RAE1: variants seen among roughly 807,000 people sequenced by gnomAD.
RAE1 encodes ribonucleic acid export 1, also known as mRNA export factor RAE1.
RAE1 carries 13 observed loss-of-function variants against 52.7 expected under a neutral mutation model. The ratio of observed to expected loss-of-function variants is 0.25; its 90% CI spans 0.16 to 0.39. RAE1 has a LOEUF of 0.39. Ranked by LOEUF, RAE1 falls within the 10% of genes least tolerant of loss-of-function variation. The pLI, the probability that RAE1 is intolerant of heterozygous loss-of-function variation, is 1.00. For synonymous variants in RAE1, 164 were observed against 153.1 expected, an observed-to-expected ratio of 1.07 and a Z score of -0.52; for missense variants, 262 against 459.8, an observed-to-expected ratio of 0.57 and a Z score of 3.93.
intron 11 of RAE1, among the ~76,000 whole-genome samples, chr20:57,375,999 C>T (rs937021664): frequency 2.0e-5 from 3 of 152,258 alleles, no homozygotes; most frequent in Non-Finnish European, 4.4e-5. Context: ...GCTTTGCATT[C>T]CCAAGACACC....
chr20:57,354,573 A>G (rs1283576093), intron 2 of RAE1, 139 bp from the exon 3 acceptor site: 9 of 566,788 alleles, frequency 1.6e-5, no homozygotes, highest in Admixed American at 3.9e-5. Flanking sequence ...CCTGTCTTTG[A>G]TCAAAGTAAG....
At chr20:57,360,550 A>T (rs2146144114) in intron 4 of RAE1, among the ~76,000 whole-genome samples, 1 of 152,250 alleles carries the variant, frequency 6.6e-6, no homozygotes, top group South Asian at 2.1e-4. Context: ...TGTTAATGTA[A>T]CTGTTAGGGT....
rs2066961438 is a variant in RAE1, at chr20:57,366,846, C to G, written c.415C>G (p.Pro139Ala). 1 of 1,613,896 alleles carries G rather than the reference C, an allele frequency of 6.2e-7. No individual in the cohort carries two copies. The highest frequency in any genetic ancestry group is 8.5e-7 in the Non-Finnish European group (1 of 1,179,790). ...PVKTIHWIKA[P>A]NYSCVMTGSW... Reference sequence around the variant, plus strand: ...TAAAACCATCCATTGGATCAAAGCTCCAAACTACAGCTGTGTGATGACTGG... The same window carrying G: ...TAAAACCATCCATTGGATCAAAGCTGCAAACTACAGCTGTGTGATGACTGG... Residue 139 changes from proline (P) to alanine (A), a missense_variant, in exon 6 of 12, where the codon CCA (proline) becomes GCA (alanine). Physicochemically the swap from Pro to Ala is conservative, Grantham distance 27. Coordinates refer to ENST00000395841, the MANE Select transcript of RAE1 (RefSeq NM_003610.4).
intron 11 of RAE1, among the ~76,000 whole-genome samples, chr20:57,375,334 A>G (rs2067097763): frequency 6.6e-6 from 1 of 152,060 alleles, no homozygotes. Context: ...AGAGGTTGTC[A>G]TCATTGTATT....
intron 1 of RAE1, chr20:57,351,723 A>G (rs1158372369): frequency 4.1e-6 from 4 of 985,374 alleles, no homozygotes; most frequent in Non-Finnish European, 4.8e-6. Context: ...CTCGTCAGAT[A>G]CATGTCAGCT....
intron 3 of RAE1, among the ~76,000 whole-genome samples, chr20:57,356,052 A>G (rs1336522858): frequency 6.6e-6 from 1 of 152,234 alleles, no homozygotes; most frequent in African/African-American, 2.4e-5. Context: ...TTTTTTTGCC[A>G]TATTTACAAA....
intron 1 of RAE1, among the ~76,000 whole-genome samples, chr20:57,352,981 C>T (rs1481604848): frequency 6.6e-6 from 1 of 152,234 alleles, no homozygotes; most frequent in South Asian, 2.1e-4. Context: ...GTTGCTCTGA[C>T]CTTTTGTTCT....
At chr20:57,358,896 G>A in intron 4 of RAE1, 4 of 1,266,222 alleles carry the variant, frequency 3.2e-6, no homozygotes, top group South Asian at 4.1e-5. Context: ...GCTAGGGCCT[G>A]TAGGCTTGTT....
intron 11 of RAE1, among the ~76,000 whole-genome samples, chr20:57,375,373 C>T (rs1021174036): frequency 1.3e-5 from 2 of 152,142 alleles, no homozygotes; most frequent in African/African-American, 4.8e-5. Context: ...CCTCCCACCC[C>T]ACTCTGCCCT....
rs2066965045 is a variant in RAE1 at position 57,367,061 on chromosome 20, G to A, written c.516G>A (p.Arg172=). The A allele has an allele frequency of 1.2e-6, 2 of 1,601,508 alleles. No homozygotes were observed. The highest frequency in any genetic ancestry group is 1.3e-5 in the African/African-American group (1 of 74,636). ...TGATGGTTTTGCAACTCCCTGAAAGGTGTTACTGTGCTGACGTGGTAAGGG... is the reference window on the plus strand; with the variant it reads ...TGATGGTTTTGCAACTCCCTGAAAGATGTTACTGTGCTGACGTGGTAAGGG... The part of the protein sequence containing the change: ...NPMMVLQLPE[R]CYCADVIYPM... The change falls in exon 7 of 12, where the codon AGG becomes AGA. Residue 172 remains arginine (R), a synonymous_variant. Coordinates refer to ENST00000395841, the MANE Select transcript of RAE1 (RefSeq NM_003610.4).
Position 57,368,907 on chromosome 20 carries a change from TGTAA to T in RAE1, c.642+99_642+102del, listed in dbSNP as rs2066995398. ...GAATACAGTTGTACTTTGTAAAACC[TGTAA>T]GTATGTTCAAAGAGGGGTGAATTGA... On this transcript the variant is annotated intron_variant, in intron 8 of 11. Transcript: ENST00000395841. The T allele has an allele frequency of 5.0e-6, 5 of 1,000,550 alleles. No individual in the cohort carries two copies. The African/African-American group carries it at 8.0e-5, about 16-fold the overall frequency. The allele number at this position is 1,000,550 out of a possible 1,614,324, so 62.0% of individuals were successfully genotyped here.
At chr20:57,369,563 T>C (rs891805560) in intron 8 of RAE1, among the ~76,000 whole-genome samples, 1 of 152,260 alleles carries the variant, frequency 6.6e-6, no homozygotes, top group Non-Finnish European at 1.5e-5. Context: ...TCTTGAAATA[T>C]GTCAGAGAAG....
intron 2 of RAE1, 42 bp downstream of exon 2, chr20:57,354,170 GCAGAGTTTCTCCCATCAAGGACA>G: frequency 6.4e-7 from 1 of 1,563,006 alleles, no homozygotes; most frequent in Non-Finnish European, 8.8e-7. Flanking sequence ...AAGAGTTTGG[GCAGAGTTTCTCCCATCAAGGACA>G]GAACCCGAGA....
rs1273092117 is a variant in RAE1 at position 57,351,280 on chromosome 20, C to T, written c.-150C>T. The T allele has an allele frequency of 1.0e-6, 1 of 985,436 alleles. No homozygotes were observed. Among genetic ancestry groups the T allele is most frequent in the Non-Finnish European group, 1.2e-6 (1 of 829,910 alleles). The allele number at this position is 985,436 out of a possible 1,614,324, so 61.0% of individuals were successfully genotyped here. On this transcript the variant is annotated 5_prime_UTR_variant, in exon 1 of 12. Coordinates refer to ENST00000395841, the MANE Select transcript of RAE1 (RefSeq NM_003610.4). Reference sequence around the variant, plus strand: ...GTTTCCGCGGTAGTCAGGGCAGTTTCTACCGCAGGCTTAAGGAGGCTTCGG... The same window carrying T: ...GTTTCCGCGGTAGTCAGGGCAGTTTTTACCGCAGGCTTAAGGAGGCTTCGG...
chr20:57,352,482 A>C (rs6099572), intron 1 of RAE1, among the ~76,000 whole-genome samples: 1 of 152,256 alleles, frequency 6.6e-6, no homozygotes, highest in African/African-American at 2.4e-5. Context: ...GCGGGAAGAG[A>C]TTAGGTGGGT....
At chr20:57,372,899 C>G (rs779435473) in intron 8 of RAE1, 1 of 152,714 alleles carries the variant, frequency 6.5e-6, no homozygotes, top group Non-Finnish European at 1.5e-5. Context: ...GCTTTTCTGC[C>G]CAGGAGGCTG....
chr20:57,362,775 T>C (rs993276846), intron 4 of RAE1, among the ~76,000 whole-genome samples: 5 of 152,140 alleles, frequency 3.3e-5, no homozygotes, highest in Non-Finnish European at 7.3e-5. Context: ...AAGACAAGAA[T>C]AGAGGTAAAT....
intron 4 of RAE1, chr20:57,359,262 A>G: frequency 5.7e-6 from 2 of 351,124 alleles, no homozygotes; most frequent in Non-Finnish European, 1.0e-5. Context: ...AGTGCAAATA[A>G]TACGGTGTTT....
intron 8 of RAE1, 72 bp from the exon 9 acceptor site, chr20:57,373,403 G>T (rs972229397): frequency 6.9e-7 from 1 of 1,450,996 alleles, no homozygotes; most frequent in Admixed American, 1.9e-5. Flanking sequence ...GGGTAAAAAT[G>T]ACTTACCTTC....
Sources: allele counts gnomAD v4.1 joint callset (sites outside exome capture counted in the v4.1 genomes callset), GRCh38; gene constraint gnomAD v4.1.1; transcripts MANE v1.5; gene names NCBI Gene and HGNC (gene_info 2026-07-23, HGNC 2026-07-21).